Variants in GNA12 observed in about 807,000 individuals in gnomAD.
The protein encoded by GNA12 is guanine nucleotide-binding protein subunit alpha-12.
In GNA12, 9 loss-of-function variants were observed where a neutral mutation model predicts 26.0. The ratio of observed to expected loss-of-function variants is 0.35; its 90% CI spans 0.21 to 0.60. GNA12 has a LOEUF of 0.60. Ranked by LOEUF, GNA12 falls within the 20% of genes least tolerant of loss-of-function variation. GNA12 has a pLI of 0.78. For synonymous variants in GNA12, 264 were observed against 219.6 expected, an observed-to-expected ratio of 1.20 and a Z score of -1.79; for missense variants, 405 against 525.8, an observed-to-expected ratio of 0.77 and a Z score of 2.25.
chr7:2,732,943 G>A (rs1055675480), intron 3 of GNA12, among the ~76,000 whole-genome samples: 2 of 152,206 alleles, frequency 1.3e-5, no homozygotes, highest in East Asian at 3.8e-4. Context: ...AGACAACAGG[G>A]AAAATCTCTA....
intron 2 of GNA12, among the ~76,000 whole-genome samples, chr7:2,747,259 C>G (rs1260343837): frequency 6.6e-6 from 1 of 152,120 alleles, no homozygotes; most frequent in Non-Finnish European, 1.5e-5. Context: ...AACATTGATG[C>G]AAAAATCCTC....
At chr7:2,735,096 AGCCGTTGGGT>A (rs1336091842) in intron 2 of GNA12, among the ~76,000 whole-genome samples, 3 of 137,302 alleles carry the variant, frequency 2.2e-5, no homozygotes, top group Admixed American at 7.6e-5. Context: ...AGCTGGGAGA[AGCCGTTGGGT>A]GCACTCACTC....
chr7:2,755,956 G>T (rs1438128945), intron 2 of GNA12, among the ~76,000 whole-genome samples: 1 of 152,098 alleles, frequency 6.6e-6, no homozygotes, highest in Non-Finnish European at 1.5e-5. Context: ...TTTTTTGGTA[G>T]AAATTGACAA....
In GNA12 at chr7:2,731,082, A is replaced by C. The variant is rs1475244445; in HGVS notation, c.*99T>G. 7 of 792,476 alleles carry C rather than the reference A, an allele frequency of 8.8e-6. 1 individual carries two copies. The highest frequency in any genetic ancestry group is 1.7e-5 in the South Asian group (1 of 58,374). The allele number at this position is 792,476 out of a possible 1,614,324, so 49.1% of individuals were successfully genotyped here. ...CCAGGTATTCCAGGGCACGGATCCG[A>C]GAAACCCACTCAAGGACCACACAGA... On this transcript the variant is annotated 3_prime_UTR_variant, in exon 4 of 4. Transcript: ENST00000275364. The surrounding 1 kb of genome is among the most constrained non-coding windows in gnomAD (Gnocchi z 6.0).
At chr7:2,832,653 G>A (rs980135500) in intron 1 of GNA12, among the ~76,000 whole-genome samples, 6 of 152,216 alleles carry the variant, frequency 3.9e-5, no homozygotes, top group African/African-American at 9.6e-5. Flanking sequence ...CTCTGCTGCT[G>A]TGGTCTGATT....
At chr7:2,793,187 G>T (rs1347202112) in intron 2 of GNA12, among the ~76,000 whole-genome samples, 1 of 152,166 alleles carries the variant, frequency 6.6e-6, no homozygotes, top group East Asian at 1.9e-4. Flanking sequence ...GAAAGGCAAG[G>T]AAAGATCAAG....
chr7:2,780,046 G>GTA (rs1338485354), intron 2 of GNA12, among the ~76,000 whole-genome samples: 96 of 85,822 alleles, frequency 1.1e-3, no homozygotes, highest in African/African-American at 3.3e-3. Context: ...ACACATTTCT[G>GTA]TGTACATATA....
At chr7:2,797,493 A>G (rs1278251839) in intron 1 of GNA12, among the ~76,000 whole-genome samples, 2 of 150,858 alleles carry the variant, frequency 1.3e-5, no homozygotes, top group East Asian at 1.9e-4. Flanking sequence ...GCTATAATCC[A>G]TGTACCATAT....
intron 2 of GNA12, among the ~76,000 whole-genome samples, chr7:2,779,815 C>G (rs1043132105): frequency 3.3e-5 from 5 of 151,778 alleles, no homozygotes; most frequent in African/African-American, 1.2e-4. Flanking sequence ...CCAGGCTAGT[C>G]TCAAACTCCT....
chr7:2,842,592 C>T (rs1170210885), intron 1 of GNA12, among the ~76,000 whole-genome samples: 1 of 152,220 alleles, frequency 6.6e-6, no homozygotes, highest in African/African-American at 2.4e-5. Flanking sequence ...GCCATCACAC[C>T]TGGCCGACTT....
intron 2 of GNA12, among the ~76,000 whole-genome samples, chr7:2,745,965 G>A (rs1181931212): frequency 2.0e-5 from 3 of 152,082 alleles, no homozygotes; most frequent in Non-Finnish European, 2.9e-5. Context: ...AACAAGAAGA[G>A]CTAACTATCC....
chr7:2,763,191 A>ACACAC (rs1791652924), intron 2 of GNA12: 5 of 222,644 alleles, frequency 2.2e-5, no homozygotes, highest in East Asian at 1.5e-4. Context: ...AAGACACCCC[A>ACACAC]ACACACACAC....
chr7:2,760,051 G>T (rs1030876921), intron 2 of GNA12, among the ~76,000 whole-genome samples: 2 of 152,240 alleles, frequency 1.3e-5, no homozygotes, highest in African/African-American at 4.8e-5. Flanking sequence ...GAAAACACTA[G>T]GATGTCAAGG....
At chr7:2,786,438 A>C (rs556783736) in intron 2 of GNA12, among the ~76,000 whole-genome samples, 2 of 152,364 alleles carry the variant, frequency 1.3e-5, no homozygotes, top group South Asian at 4.2e-4. Context: ...TAGCCAACTA[A>C]GAAGAGAATA....
At chr7:2,741,456 C>A (rs709280) in intron 2 of GNA12, among the ~76,000 whole-genome samples, 86,321 of 151,984 alleles carry the variant, frequency 0.57, 24,872 homozygotes, top group Admixed American at 0.63. Flanking sequence ...CCAGCAAGTG[C>A]GGCACCAGGC....
At chr7:2,736,936 C>A (rs1384043583) in intron 2 of GNA12, among the ~76,000 whole-genome samples, 3 of 152,208 alleles carry the variant, frequency 2.0e-5, no homozygotes, top group Non-Finnish European at 2.9e-5. Flanking sequence ...AGGACCAGAC[C>A]CTCGAGATCA....
At chr7:2,804,675 T>C (rs1792900316) in intron 1 of GNA12, among the ~76,000 whole-genome samples, 1 of 152,198 alleles carries the variant, frequency 6.6e-6, no homozygotes, top group Non-Finnish European at 1.5e-5. Flanking sequence ...TCATTAAACA[T>C]ATTCTTGGCC....
At chr7:2,754,172 T>A (rs1194491155) in intron 2 of GNA12, among the ~76,000 whole-genome samples, 1 of 152,234 alleles carries the variant, frequency 6.6e-6, no homozygotes, top group African/African-American at 2.4e-5. Flanking sequence ...TTAATAGGTG[T>A]GTAGTGCTAG....
chr7:2,785,915 A>T (rs1049699299), intron 2 of GNA12, among the ~76,000 whole-genome samples: 1 of 152,146 alleles, frequency 6.6e-6, no homozygotes, highest in Admixed American at 6.5e-5. Context: ...AATAAATAAA[A>T]AATTAGTCAG....
Sources: gnomAD v4.1 joint callset for allele counts (sites outside exome capture counted in the v4.1 genomes callset) on GRCh38, gnomAD v4.1.1 for gene constraint, Gnocchi (gnomAD v3.1) non-coding constraint, MANE v1.5 for transcripts, NCBI Gene and HGNC (gene_info 2026-07-23, HGNC 2026-07-21) for gene names.